Variants in PTPRS observed in about 807,000 individuals in gnomAD.
PTPRS encodes protein tyrosine phosphatase receptor type S.
In PTPRS, 63 loss-of-function variants were observed where a neutral mutation model predicts 215.3. The ratio of observed to expected loss-of-function variants is 0.29; its 90% confidence interval spans 0.24 to 0.36. The LOEUF is 0.36. Ranked by LOEUF, PTPRS falls within the 10% of genes least tolerant of loss-of-function variation. The probability of loss-of-function intolerance (pLI) is 1.00; values close to 1 mark genes in which losing one functional copy is unlikely to be tolerated. For synonymous variants in PTPRS, 1,404 were observed against 1,191.4 expected, an observed-to-expected ratio of 1.18 and a Z score of -3.68; for missense variants, 2,258 against 2,825.8, an observed-to-expected ratio of 0.80 and a Z score of 4.56.
intron 14 of PTPRS, 79 bp from the exon 15 acceptor site, chr19:5,229,763 T>C: frequency 1.1e-6 from 1 of 912,642 alleles, no homozygotes; most frequent in Non-Finnish European, 1.4e-6. Context: ...AGTGCCACTG[T>C]CCGATTCCAG....
intron 13 of PTPRS, among the ~76,000 whole-genome samples, chr19:5,236,541 C>T (rs183254762): frequency 6.6e-6 from 1 of 152,224 alleles, no homozygotes; most frequent in Non-Finnish European, 1.5e-5. Flanking sequence ...GCATTAGAAA[C>T]CCTCACCATC....
chr19:5,219,656 C>G (rs972488570), intron 22 of PTPRS, among the ~76,000 whole-genome samples, 189 bp from the exon 23 acceptor site: 5 of 152,230 alleles, frequency 3.3e-5, no homozygotes, highest in African/African-American at 1.2e-4. Context: ...CTTCTCTGCT[C>G]CAGCCACTCT....
intron 2 of PTPRS, chr19:5,277,915 G>C (rs1437618460): frequency 2.2e-6 from 3 of 1,388,986 alleles, no homozygotes; most frequent in Non-Finnish European, 3.0e-6. Context: ...CAGTGGTTAC[G>C]GGAGCAACAA....
chr19:5,299,352 C>T (rs1235962897), intron 1 of PTPRS, among the ~76,000 whole-genome samples: 2 of 152,258 alleles, frequency 1.3e-5, no homozygotes, highest in Non-Finnish European at 2.9e-5. Context: ...GCAGTCCTGC[C>T]TCAGGGCCTT....
At chr19:5,284,205 A>G (rs893202848) in intron 2 of PTPRS, among the ~76,000 whole-genome samples, 8 of 150,860 alleles carry the variant, frequency 5.3e-5, no homozygotes, top group African/African-American at 2.0e-4. Context: ...CTAAAAATAC[A>G]AAAAATTAGC....
chr19:5,271,474 T>C (rs2046905243), intron 4 of PTPRS, among the ~76,000 whole-genome samples: 1 of 150,910 alleles, frequency 6.6e-6, no homozygotes, highest in Admixed American at 6.6e-5. Context: ...CTCGGCTCAC[T>C]GCAACCTCCA....
In PTPRS at chr19:5,221,064, T is replaced by G; in HGVS notation, c.3391A>C (p.Lys1131Gln). The change falls in exon 20 of 38, where the codon AAG becomes CAG. Residue 1131 changes from lysine to glutamine, a missense_variant. By Grantham distance (53) the Lys-to-Gln change is moderately conservative. This residue lies in a region of PTPRS where 927 missense variants were observed against 1,125.9 expected (regional missense o/e 0.82). Transcript: ENST00000262963. Reference sequence around the variant, plus strand: ...ATGATGAAGCCGTCAGCATCAGGCTTGGGGGCGACGCTGGGCTTGCCGTTG... The same window carrying G: ...ATGATGAAGCCGTCAGCATCAGGCTGGGGGGCGACGCTGGGCTTGCCGTTG... ...LLNGKPSVAP[K>Q]PDADGFIMVY... 5.6e-6 allele frequency: 9 copies of G among 1,613,768 alleles called. No homozygotes were observed. Among genetic ancestry groups the G allele is most frequent in the Non-Finnish European group, 5.1e-6 (6 of 1,179,968 alleles).
Position 5,240,259 on chromosome 19 carries a change from CG to C in PTPRS, c.1643del (p.Pro548ArgfsTer37). The C allele has an allele frequency of 1.3e-6, 2 of 1,589,274 alleles. No individual in the cohort carries two copies. The highest frequency in any genetic ancestry group is 1.8e-5 in the Admixed American group (1 of 55,752). ...CGTACTTGATGATACTCTCCTGCCG[CG>C]GGGGGCTCCAGGACAGCGTGATGCT... ...ETSITLSWSP[P>X]RQESIIKYEL... On this transcript the variant is annotated frameshift_variant, in exon 12 of 38. Coordinates refer to ENST00000262963, the MANE Select transcript of PTPRS (RefSeq NM_002850.4). LOFTEE classifies it high-confidence loss of function.
intron 1 of PTPRS, among the ~76,000 whole-genome samples, chr19:5,291,175 G>C (rs1332999235): frequency 1.3e-5 from 2 of 152,164 alleles, no homozygotes; most frequent in Admixed American, 6.5e-5. Flanking sequence ...CTGGTGGCCA[G>C]GAGTGGATGG....
intron 32 of PTPRS, 29 bp downstream of exon 32, chr19:5,211,936 G>T: frequency 6.4e-7 from 1 of 1,553,018 alleles, no homozygotes. Flanking sequence ...TCCCCACCCC[G>T]CCCACAGCAG....
At chr19:5,224,325 A>AG (rs2042282716) in intron 17 of PTPRS, among the ~76,000 whole-genome samples, 1 of 150,802 alleles carries the variant, frequency 6.6e-6, no homozygotes, top group Non-Finnish European at 1.5e-5. Context: ...GCACTGGGCT[A>AG]GGGGCGCATA....
chr19:5,308,622 C>A (rs1946192719), intron 1 of PTPRS, among the ~76,000 whole-genome samples: 1 of 152,194 alleles, frequency 6.6e-6, no homozygotes, highest in South Asian at 2.1e-4. Flanking sequence ...CTGCCAGCCC[C>A]TCGGGGAACC....
intron 12 of PTPRS, 37 bp from the exon 13 acceptor site, chr19:5,239,100 GGAGAGA>G (rs149487300): frequency 3.3e-6 from 5 of 1,507,792 alleles, no homozygotes; most frequent in East Asian, 2.5e-5. Context: ...GAGGGATGGG[GGAGAGA>G]GAGAGAGAGA....
intron 14 of PTPRS, 33 bp from the exon 15 acceptor site, chr19:5,229,717 G>A (rs576255791): frequency 0.018 from 22,127 of 1,210,690 alleles, 314 homozygotes; most frequent in Non-Finnish European, 0.02. Context: ...AGGGGCGGGC[G>A]GAGCCGTTAC....
At chr19:5,310,767 G>A (rs1026448473) in intron 1 of PTPRS, among the ~76,000 whole-genome samples, 28 of 151,942 alleles carry the variant, frequency 1.8e-4, no homozygotes, top group African/African-American at 6.5e-4. Flanking sequence ...GTGCAGTGAC[G>A]CAATCTCAGC....
intron 1 of PTPRS, among the ~76,000 whole-genome samples, chr19:5,324,525 G>C (rs1426540169): frequency 6.6e-6 from 1 of 152,202 alleles, no homozygotes; most frequent in Non-Finnish European, 1.5e-5. Context: ...ACCAGGGCCA[G>C]ATCTGATGGT....
intron 1 of PTPRS, among the ~76,000 whole-genome samples, chr19:5,316,869 T>A (rs2049890729): frequency 6.6e-6 from 1 of 152,210 alleles, no homozygotes. Context: ...TTTGGGGTTC[T>A]GCACACATAG....
chr19:5,229,173 AATGGGAGAGCGAGGGGCGC>A (rs2145605483), intron 16 of PTPRS, 124 bp downstream of exon 16: 3 of 943,168 alleles, frequency 3.2e-6, no homozygotes, highest in South Asian at 5.1e-5. Context: ...TCCAAGAGGT[AATGGGAGAGCGAGGGGCGC>A]ATGGGAGGGC....
intron 22 of PTPRS, 118 bp from the exon 23 acceptor site, chr19:5,219,585 G>C: frequency 7.8e-7 from 1 of 1,285,716 alleles, no homozygotes; most frequent in Non-Finnish European, 1.0e-6. Context: ...TATATTCCTA[G>C]AACCTTGACC....
Sources: allele counts gnomAD v4.1 joint callset (sites outside exome capture counted in the v4.1 genomes callset), GRCh38; gene constraint gnomAD v4.1.1; regional missense constraint gnomAD v4.1.1; transcripts MANE v1.5; gene names NCBI Gene and HGNC (gene_info 2026-07-23, HGNC 2026-07-21).